Variants in PTPRM observed in about 807,000 individuals in gnomAD.
PTPRM encodes receptor-type tyrosine-protein phosphatase mu.
Under a neutral mutation model 186.7 loss-of-function variants are expected in PTPRM, and 47 were observed. That is an observed-to-expected ratio of 0.25 (90% CI 0.20 to 0.32). PTPRM has a LOEUF of 0.32. Among genes scored for constraint, PTPRM ranks in the 10% least tolerant of loss-of-function variants. The probability of loss-of-function intolerance (pLI) is 1.00; values close to 1 mark genes in which losing one functional copy is unlikely to be tolerated. For synonymous variants in PTPRM, 668 were observed against 674.9 expected, an observed-to-expected ratio of 0.99 and a Z score of 0.16; for missense variants, 1,494 against 1,865.0, an observed-to-expected ratio of 0.80 and a Z score of 3.66.
intron 14 of PTPRM, among the ~76,000 whole-genome samples, chr18:8,240,859 GA>G (rs2094428162): frequency 6.7e-6 from 1 of 150,260 alleles, no homozygotes; most frequent in South Asian, 2.1e-4. Flanking sequence ...AAGAAAGAAA[GA>G]AATTGAAAGT....
At chr18:8,089,745 A>T (rs573795318) in intron 11 of PTPRM, among the ~76,000 whole-genome samples, 2 of 152,078 alleles carry the variant, frequency 1.3e-5, no homozygotes, top group African/African-American at 4.8e-5. Context: ...ACCTGGCTAT[A>T]TTTGATCATG....
At chr18:7,722,748 T>C (rs1482713214) in intron 1 of PTPRM, among the ~76,000 whole-genome samples, 1 of 152,160 alleles carries the variant, frequency 6.6e-6, no homozygotes, top group African/African-American at 2.4e-5. Flanking sequence ...TATAAAGGGA[T>C]AATCTACCTA....
intron 1 of PTPRM, among the ~76,000 whole-genome samples, chr18:7,743,063 A>G (rs2040914880): frequency 6.6e-6 from 1 of 152,198 alleles, no homozygotes; most frequent in African/African-American, 2.4e-5. Flanking sequence ...CCACCTAACC[A>G]TTAAAGGAGT....
At chr18:7,878,057 A>G (rs1177235706) in intron 2 of PTPRM, among the ~76,000 whole-genome samples, 1 of 152,160 alleles carries the variant, frequency 6.6e-6, no homozygotes, top group Non-Finnish European at 1.5e-5. Context: ...ATGTTTATGT[A>G]ATTAAGAAAT....
At chr18:8,177,340 A>G (rs1273073558) in intron 14 of PTPRM, among the ~76,000 whole-genome samples, 1 of 152,258 alleles carries the variant, frequency 6.6e-6, no homozygotes, top group African/African-American at 2.4e-5. Context: ...AATTAAATTT[A>G]GCAGAGTTTA....
intron 13 of PTPRM, among the ~76,000 whole-genome samples, chr18:8,138,608 G>A (rs2092692870): frequency 6.6e-6 from 1 of 152,076 alleles, no homozygotes. Context: ...CCTTTCAAAT[G>A]CTCTGCTCCC....
intron 7 of PTPRM, among the ~76,000 whole-genome samples, chr18:8,032,695 C>T (rs997190999): frequency 2.6e-5 from 4 of 151,722 alleles, no homozygotes; most frequent in African/African-American, 9.7e-5. Context: ...GATGATTTGC[C>T]CCCATCATAT....
chr18:8,335,891 G>A (rs945353340), intron 22 of PTPRM, among the ~76,000 whole-genome samples: 10 of 152,046 alleles, frequency 6.6e-5, no homozygotes, highest in South Asian at 2.1e-4. Context: ...GCGTGGTAGC[G>A]CACGCCTGTA....
intron 7 of PTPRM, among the ~76,000 whole-genome samples, chr18:8,021,639 G>A (rs114262813): frequency 0.022 from 3,356 of 152,196 alleles, 51 homozygotes; most frequent in African/African-American, 0.047. Flanking sequence ...CTGTTCCTGT[G>A]TGTGTTTGCT....
chr18:8,022,303 C>T (rs529043056), intron 7 of PTPRM, among the ~76,000 whole-genome samples: 7 of 152,286 alleles, frequency 4.6e-5, no homozygotes, highest in South Asian at 2.1e-4. Context: ...CATCATATGG[C>T]GCTTATGTTG....
At chr18:8,326,002 G>A (rs2095373769) in intron 22 of PTPRM, among the ~76,000 whole-genome samples, 1 of 151,984 alleles carries the variant, frequency 6.6e-6, no homozygotes, top group Non-Finnish European at 1.5e-5. Flanking sequence ...CCTGTTTTTT[G>A]CCAAATTTTT....
rs757988261 is a variant in PTPRM, at chr18:8,088,775, G to A, written c.1780G>A (p.Glu594Lys). Reference sequence around the variant, plus strand: ...ACCCTCTATGCCAGCTTATGAACTTGAGACACCTTTGAATCAAACTGACAA... The same window carrying A: ...ACCCTCTATGCCAGCTTATGAACTTAAGACACCTTTGAATCAAACTGACAA... ...SAPSMPAYEL[E>K]TPLNQTDNTV... is the part of the protein sequence containing the mutation. Residue 594 changes from glutamate (E) to lysine (K), a missense_variant, in exon 11 of 33, where the codon GAG (glutamate) becomes AAG (lysine). Physicochemically the swap from Glu to Lys is moderately conservative, Grantham distance 56. Transcript: ENST00000580170. 6.2e-7 allele frequency: 1 copy of A among 1,613,010 alleles called. No individual in the cohort carries two copies. Among genetic ancestry groups the A allele is most frequent in the South Asian group, 1.1e-5 (1 of 91,032 alleles).
intron 19 of PTPRM, among the ~76,000 whole-genome samples, chr18:8,254,359 T>C (rs1012086596): frequency 2.0e-5 from 3 of 152,214 alleles, no homozygotes; most frequent in African/African-American, 7.2e-5. Context: ...GAAATCTAAT[T>C]CAAAGAAGCA....
intron 24 of PTPRM, among the ~76,000 whole-genome samples, chr18:8,372,929 T>G (rs1305736483): frequency 4.6e-5 from 7 of 152,232 alleles, no homozygotes; most frequent in Admixed American, 3.3e-4. Flanking sequence ...AGGAAGGGTT[T>G]GTTTGTTTCT....
At chr18:8,297,350 A>G (rs900113064) in intron 20 of PTPRM, among the ~76,000 whole-genome samples, 30 of 152,222 alleles carry the variant, frequency 2.0e-4, no homozygotes, top group African/African-American at 7.2e-4. Flanking sequence ...GGAGCAATCT[A>G]TTAGCTTTAT....
chr18:7,753,240 T>C lies in PTPRM; in HGVS notation c.74-20909T>C, dbSNP rs143984224. On this transcript the variant is annotated intron_variant, in intron 1 of 32. Coordinates refer to ENST00000580170, the MANE Select transcript of PTPRM (RefSeq NM_001105244.2). ...GGTGGATATGGGTTTCCTTTTTCTATGTGTGTCCGTATTGTTTTGATTGTA... is the reference window on the plus strand; with the variant it reads ...GGTGGATATGGGTTTCCTTTTTCTACGTGTGTCCGTATTGTTTTGATTGTA... Among the ~76,000 whole-genome samples, 289 of 152,282 alleles carry C rather than the reference T, an allele frequency of 1.9e-3. 1 individual carries two copies. The highest frequency in any genetic ancestry group is 6.8e-3 in the African/African-American group (281 of 41,564).
intron 2 of PTPRM, among the ~76,000 whole-genome samples, chr18:7,860,186 T>C (rs536037427): frequency 2.0e-4 from 31 of 152,044 alleles, no homozygotes; most frequent in African/African-American, 7.0e-4. Context: ...GATTCTCCTG[T>C]CTCAGCCTCC....
intron 1 of PTPRM, among the ~76,000 whole-genome samples, chr18:7,602,085 A>G (rs1337739609): frequency 6.6e-6 from 1 of 152,204 alleles, no homozygotes. Flanking sequence ...GTAACTTGCT[A>G]CGGTCTGCTT....
At chr18:7,701,827 T>G (rs936448366) in intron 1 of PTPRM, among the ~76,000 whole-genome samples, 3 of 152,100 alleles carry the variant, frequency 2.0e-5, no homozygotes, top group African/African-American at 7.2e-5. Flanking sequence ...TCATCTACAT[T>G]AGGTATTACT....
Sources: allele counts gnomAD v4.1 joint callset (sites outside exome capture counted in the v4.1 genomes callset), GRCh38; gene constraint gnomAD v4.1.1; transcripts MANE v1.5; gene names NCBI Gene and HGNC (gene_info 2026-07-23, HGNC 2026-07-21).